Variants in SCFD1 observed in about 807,000 individuals in gnomAD.
SCFD1 encodes the protein sec1 family domain-containing protein 1.
A neutral mutation model predicts 103.2 loss-of-function variants in SCFD1; 37 were observed. The observed-to-expected ratio is 0.36, with a 90% CI of 0.28 to 0.47. The LOEUF (loss-of-function observed/expected upper bound fraction) is 0.47. SCFD1 is among the 20% of genes least tolerant of loss of function. The pLI is 1.00. For missense variants in SCFD1, 639 were observed against 761.2 expected, an observed-to-expected ratio of 0.84 and a Z score of 1.89; for synonymous variants, 264 against 245.0, an observed-to-expected ratio of 1.08 and a Z score of -0.73.
At chr14:30,662,278 G>T (rs1402501737) in intron 10 of SCFD1, among the ~76,000 whole-genome samples, 2 of 152,140 alleles carry the variant, frequency 1.3e-5, no homozygotes, top group Non-Finnish European at 2.9e-5. Context: ...AGGTTTGTGT[G>T]CAAGGATGAG....
chr14:30,723,412 T>G (rs538687845), intron 23 of SCFD1, among the ~76,000 whole-genome samples: 1 of 152,342 alleles, frequency 6.6e-6, no homozygotes, highest in Admixed American at 6.5e-5. Context: ...TTTATTTTTT[T>G]AACTTTTAAG....
At chr14:30,722,731 C>A in intron 23 of SCFD1, 172 bp downstream of exon 23, 1 of 393,608 alleles carries the variant, frequency 2.5e-6, no homozygotes. Context: ...CTGTCACATT[C>A]ATTTCTGGCC....
chr14:30,681,967 A>G (rs1217192779), intron 14 of SCFD1, among the ~76,000 whole-genome samples: 2 of 152,174 alleles, frequency 1.3e-5, no homozygotes, highest in Admixed American at 1.3e-4. Context: ...GGTTCCCTGT[A>G]TATGTCCTGT....
At chr14:30,632,064 AAAAAAAAG>A (rs1884216304) in intron 3 of SCFD1, among the ~76,000 whole-genome samples, 3 of 151,128 alleles carry the variant, frequency 2.0e-5, no homozygotes, top group Non-Finnish European at 4.4e-5. Flanking sequence ...AAAAAAAAAA[AAAAAAAAG>A]AACGTTTGGA....
At chr14:30,641,178 C>T (rs191063560) in intron 6 of SCFD1, among the ~76,000 whole-genome samples, 51 of 152,098 alleles carry the variant, frequency 3.4e-4, no homozygotes, top group Non-Finnish European at 5.6e-4. Context: ...ACCTAATTGT[C>T]TCAAATGGTA....
At chr14:30,653,131 C>G (rs964038919) in intron 9 of SCFD1, among the ~76,000 whole-genome samples, 2 of 152,210 alleles carry the variant, frequency 1.3e-5, no homozygotes, top group African/African-American at 2.4e-5. Flanking sequence ...TCCCCCGTCT[C>G]TATAAAAATG....
chr14:30,645,025 G>A (rs1453168506), intron 7 of SCFD1, among the ~76,000 whole-genome samples: 2 of 152,062 alleles, frequency 1.3e-5, no homozygotes, highest in African/African-American at 4.8e-5. Flanking sequence ...GAAAGGAAGG[G>A]GTTCAGTTTT....
chr14:30,700,280 T>C, intron 16 of SCFD1, 22 bp downstream of exon 16: 1 of 1,480,744 alleles, frequency 6.8e-7, no homozygotes, highest in Non-Finnish European at 9.4e-7. Flanking sequence ...ATTCAGTTAT[T>C]GGGAGGAAGG....
intron 14 of SCFD1, among the ~76,000 whole-genome samples, chr14:30,691,875 T>C (rs1184663181): frequency 6.6e-6 from 1 of 152,186 alleles, no homozygotes; most frequent in Non-Finnish European, 1.5e-5. Context: ...GTGAGCCATG[T>C]TTTTTTACTG....
intron 22 of SCFD1, 67 bp from the exon 23 acceptor site, chr14:30,722,427 C>A: frequency 8.4e-7 from 1 of 1,187,558 alleles, no homozygotes; most frequent in Non-Finnish European, 1.2e-6. Context: ...ATTTTTTAAC[C>A]TTAATTTTAG....
chr14:30,701,412 G>T (rs1311344277), intron 16 of SCFD1, among the ~76,000 whole-genome samples: 3 of 152,040 alleles, frequency 2.0e-5, no homozygotes, highest in Non-Finnish European at 2.9e-5. Context: ...AAAATTAGCT[G>T]GGCGTGGTGG....
chr14:30,729,099 CT>C (rs992741022), intron 23 of SCFD1, among the ~76,000 whole-genome samples: 2 of 151,984 alleles, frequency 1.3e-5, no homozygotes, highest in Non-Finnish European at 2.9e-5. Context: ...GTTATTTTGC[CT>C]TTTTATGATT....
At chr14:30,660,956 T>C (rs1887393682) in intron 10 of SCFD1, among the ~76,000 whole-genome samples, 1 of 152,150 alleles carries the variant, frequency 6.6e-6, no homozygotes, top group South Asian at 2.1e-4. Flanking sequence ...CTGCATCCGT[T>C]TCTCAAAAAG....
intron 13 of SCFD1, among the ~76,000 whole-genome samples, 198 bp from the exon 14 acceptor site, chr14:30,674,786 T>C (rs1888882924): frequency 6.6e-6 from 1 of 152,228 alleles, no homozygotes; most frequent in East Asian, 1.9e-4. Context: ...CAGATTATTT[T>C]AAAATAAGCA....
intron 15 of SCFD1, among the ~76,000 whole-genome samples, chr14:30,699,259 C>G (rs1453135699): frequency 1.3e-5 from 2 of 152,036 alleles, no homozygotes; most frequent in Non-Finnish European, 2.9e-5. Flanking sequence ...GTTAGTGTTC[C>G]AAATCATATA....
chr14:30,669,747 C>CT (rs1293505049), intron 10 of SCFD1: 1 of 152,336 alleles, frequency 6.6e-6, no homozygotes, highest in Non-Finnish European at 1.5e-5. Context: ...TGTTGACTCT[C>CT]TAAGAGTTTA....
chr14:30,714,394 C>A (rs1463324725), intron 19 of SCFD1, among the ~76,000 whole-genome samples: 3 of 151,118 alleles, frequency 2.0e-5, no homozygotes, highest in Non-Finnish European at 4.4e-5. Context: ...TTTTGAGCCA[C>A]CTTTAAAAAA....
At chr14:30,732,604 A>C (rs1451296869) in intron 23 of SCFD1, among the ~76,000 whole-genome samples, 2 of 152,194 alleles carry the variant, frequency 1.3e-5, no homozygotes, top group African/African-American at 2.4e-5. Context: ...CATCATTAGA[A>C]ACCTGTGTCA....
At chr14:30,624,087 C>T (rs1300369339) in intron 1 of SCFD1, among the ~76,000 whole-genome samples, 7 of 152,082 alleles carry the variant, frequency 4.6e-5, no homozygotes, top group African/African-American at 1.7e-4. Context: ...TCTTGCTTTG[C>T]CTGCCTGAAA....
Sources: gnomAD v4.1 joint callset for allele counts (sites outside exome capture counted in the v4.1 genomes callset) on GRCh38, gnomAD v4.1.1 for gene constraint, MANE v1.5 for transcripts, NCBI Gene and HGNC (gene_info 2026-07-23, HGNC 2026-07-21) for gene names.